PTPN2: variants seen among roughly 807,000 people sequenced by gnomAD.
PTPN2 encodes the protein tyrosine-protein phosphatase non-receptor type 2.
PTPN2 carries 19 observed loss-of-function variants against 57.3 expected under a neutral mutation model. That is an observed-to-expected ratio of 0.33 (90% CI 0.23 to 0.49). The LOEUF (loss-of-function observed/expected upper bound fraction) is 0.49. Among genes scored for constraint, PTPN2 ranks in the 20% least tolerant of loss-of-function variants. The probability of loss-of-function intolerance (pLI) is 0.99; values close to 1 mark genes in which losing one functional copy is unlikely to be tolerated. For missense variants in PTPN2, 358 were observed against 501.1 expected, an observed-to-expected ratio of 0.71 and a Z score of 2.73; for synonymous variants, 153 against 164.9, an observed-to-expected ratio of 0.93 and a Z score of 0.55.
Position 12,831,088 on chromosome 18 carries a change from G to C in PTPN2, c.262-47C>G, listed in dbSNP as rs1430951250. 2.2e-6 allele frequency: 3 copies of C among 1,371,906 alleles called. No individual in the cohort carries two copies. The East Asian group carries it at 7.0e-5, about 32-fold the overall frequency. 85.0% of individuals were successfully genotyped at this position (1,371,906 alleles called of 1,614,324 possible). On this transcript the variant is annotated intron_variant, in intron 3 of 8. Coordinates refer to ENST00000309660, the MANE Select transcript of PTPN2 (RefSeq NM_002828.4). ...AGCAGATGAGGGAAGCAGACAGAAA[G>C]AGCAAGGCTCCAGGAAGGCCTTGTT...
chr18:12,870,353 G>GTA lies in PTPN2; in HGVS notation c.70-11101_70-11100dup, dbSNP rs1183625674. ...TATGTATATATATACATATATATGT[G>GTA]TATATATATGTGTATATATACATAT... On this transcript the variant is annotated intron_variant, in intron 1 of 8. Coordinates refer to ENST00000309660, the MANE Select transcript of PTPN2 (RefSeq NM_002828.4). 2.4e-4 allele frequency among the ~76,000 whole-genome samples: 9 copies of GTA among 37,322 alleles called. 1 individual carries two copies. The highest frequency in any genetic ancestry group is 3.5e-4 in the Non-Finnish European group (8 of 22,722). 24.5% of individuals were successfully genotyped at this position (37,322 alleles called of 152,430 possible).
chr18:12,804,614 C>T (rs1475539047), intron 7 of PTPN2, among the ~76,000 whole-genome samples: 1 of 151,782 alleles, frequency 6.6e-6, no homozygotes, highest in Admixed American at 6.6e-5. Context: ...CAACTGTATG[C>T]CAACAAATTG....
Position 12,794,261 on chromosome 18 carries a change from T to A in PTPN2, c.*17A>T, listed in dbSNP as rs1568074472. On this transcript the variant is annotated 3_prime_UTR_variant, in exon 9 of 9. Transcript: ENST00000309660. ...GTCAGTTACTAGTGCAGAAGCTTGC[T>A]GGGCAAAATTAATTGTTTATAGGGC... is the stretch of plus-strand genomic sequence containing the variant. The A allele has an allele frequency of 6.2e-7, 1 of 1,614,020 alleles. No homozygotes were observed. The highest frequency in any genetic ancestry group is 8.5e-7 in the Non-Finnish European group (1 of 1,180,002).
chr18:12,822,164 T>TGCAGAATATAAACAG (rs11273652), intron 5 of PTPN2, among the ~76,000 whole-genome samples: 64,847 of 151,822 alleles, frequency 0.43, 14,013 homozygotes, highest in South Asian at 0.58. Flanking sequence ...ACTAAGGACG[T>TGCAGAATATAAACAG]GCAGAGAAGA....
chr18:12,842,960 T>A (rs2043093328), intron 2 of PTPN2, among the ~76,000 whole-genome samples: 1 of 152,150 alleles, frequency 6.6e-6, no homozygotes, highest in African/African-American at 2.4e-5. Context: ...TGAAATGACG[T>A]TAACTGACTT....
intron 1 of PTPN2, among the ~76,000 whole-genome samples, chr18:12,872,048 CAAA>C (rs61356876): frequency 8.2e-6 from 1 of 121,420 alleles, no homozygotes; most frequent in Non-Finnish European, 1.7e-5. Flanking sequence ...GACTCTGTCT[CAAA>C]AAAAAAACAA....
At chr18:12,839,134 T>C (rs2042964287) in intron 2 of PTPN2, among the ~76,000 whole-genome samples, 1 of 152,208 alleles carries the variant, frequency 6.6e-6, no homozygotes, top group Non-Finnish European at 1.5e-5. Flanking sequence ...AGTGAAACTA[T>C]CAAAGCCTCT....
intron 2 of PTPN2, among the ~76,000 whole-genome samples, chr18:12,844,915 G>A (rs955230761): frequency 6.6e-6 from 1 of 152,042 alleles, no homozygotes; most frequent in African/African-American, 2.4e-5. Context: ...TTTGTGTAAG[G>A]TGTGAGATTT....
chr18:12,871,564 T>C (rs1026663754), intron 1 of PTPN2, among the ~76,000 whole-genome samples: 2 of 86,410 alleles, frequency 2.3e-5, no homozygotes, highest in African/African-American at 1.0e-4. Context: ...CTTTATGGTA[T>C]TTATGTCAAA....
intron 3 of PTPN2, among the ~76,000 whole-genome samples, chr18:12,835,832 G>A (rs2042844073): frequency 6.6e-6 from 1 of 152,136 alleles, no homozygotes; most frequent in Non-Finnish European, 1.5e-5. Context: ...ATTTCTTCAT[G>A]TGCAAAGTGT....
Position 12,870,317 on chromosome 18 carries a change from ATGTG to A in PTPN2, c.70-11067_70-11064del, listed in dbSNP as rs200573024. On this transcript the variant is annotated intron_variant, in intron 1 of 8. Coordinates refer to ENST00000309660, the MANE Select transcript of PTPN2 (RefSeq NM_002828.4). Reference sequence around the variant, plus strand: ...TATATATGTGTATATATACATATATATGTGTATATATATGTATATATATACATAT... The same window carrying A: ...TATATATGTGTATATATACATATATATATATATATGTATATATATACATAT... Among the ~76,000 whole-genome samples the A allele has an allele frequency of 1.8e-3, 77 of 43,874 alleles. 3 individuals carry two copies. The highest frequency in any genetic ancestry group is 8.1e-3 in the East Asian group (7 of 868). 28.8% of individuals were successfully genotyped at this position (43,874 alleles called of 152,430 possible).
At chr18:12,789,007 G>A (rs1438324343), downstream of PTPN2, among the ~76,000 whole-genome samples, 5 of 152,334 alleles carry the variant, frequency 3.3e-5, no homozygotes, top group East Asian at 3.9e-4. Context: ...CATAATGGCT[G>A]TATTGGGAGC....
chr18:12,809,122 C>A (rs1356287560), intron 7 of PTPN2, among the ~76,000 whole-genome samples: 1 of 152,174 alleles, frequency 6.6e-6, no homozygotes, highest in Non-Finnish European at 1.5e-5. Context: ...TAGAGAAACA[C>A]CCTCCAGCAT....
At chr18:12,812,484 AACT>A (rs1568099470) in intron 7 of PTPN2, among the ~76,000 whole-genome samples, 1 of 152,160 alleles carries the variant, frequency 6.6e-6, no homozygotes, top group Non-Finnish European at 1.5e-5. Flanking sequence ...CTGTAATCCC[AACT>A]ACTCGGAAGG....
At chr18:12,806,304 T>C (rs2041647834) in intron 7 of PTPN2, among the ~76,000 whole-genome samples, 1 of 152,144 alleles carries the variant, frequency 6.6e-6, no homozygotes, top group Non-Finnish European at 1.5e-5. Flanking sequence ...ATGGAAAAAG[T>C]TGAAGAGGAC....
At chr18:12,867,130 A>AAAAAAT (rs1237088761) in intron 1 of PTPN2, among the ~76,000 whole-genome samples, 2 of 152,016 alleles carry the variant, frequency 1.3e-5, no homozygotes, top group African/African-American at 4.8e-5. Context: ...ACGTATCTAC[A>AAAAAAT]AAAAATAAAA....
intron 8 of PTPN2, among the ~76,000 whole-genome samples, chr18:12,797,046 A>C (rs573130889): frequency 1.3e-5 from 2 of 152,334 alleles, no homozygotes; most frequent in East Asian, 3.9e-4. Flanking sequence ...AATATCTGCT[A>C]TAATGACTTG....
Position 12,794,247 on chromosome 18 carries a change from G to C in PTPN2, c.*31C>G. On this transcript the variant is annotated 3_prime_UTR_variant, in exon 9 of 9. Coordinates refer to ENST00000309660, the MANE Select transcript of PTPN2 (RefSeq NM_002828.4). ...ATTAATGTAGCACTGTCAGTTACTAGTGCAGAAGCTTGCTGGGCAAAATTA... is the reference window on the plus strand; with the variant it reads ...ATTAATGTAGCACTGTCAGTTACTACTGCAGAAGCTTGCTGGGCAAAATTA... The C allele has an allele frequency of 6.2e-7, 1 of 1,613,614 alleles. No individual in the cohort carries two copies. Among genetic ancestry groups the C allele is most frequent in the Non-Finnish European group, 8.5e-7 (1 of 1,179,806 alleles).
intron 7 of PTPN2, among the ~76,000 whole-genome samples, chr18:12,808,329 T>G (rs1296555520): frequency 2.0e-5 from 3 of 152,204 alleles, no homozygotes; most frequent in Non-Finnish European, 2.9e-5. Context: ...AAATAGAGAT[T>G]TCAAAATAGC....
Sources: allele counts gnomAD v4.1 joint callset (sites outside exome capture counted in the v4.1 genomes callset), GRCh38; gene constraint gnomAD v4.1.1; transcripts MANE v1.5; gene names NCBI Gene and HGNC (gene_info 2026-07-23, HGNC 2026-07-21).